Variants in KLHL7 observed in about 807,000 individuals in gnomAD.
KLHL7 encodes kelch-like protein 7.
Under a neutral mutation model 67.4 loss-of-function variants are expected in KLHL7, and 44 were observed. That is an observed-to-expected ratio of 0.65 (90% CI 0.51 to 0.84). The LOEUF (loss-of-function observed/expected upper bound fraction) is 0.84. KLHL7 is among the 40% of genes least tolerant of loss of function. KLHL7 has a pLI of 0.00. For missense variants in KLHL7, 362 were observed against 718.1 expected, an observed-to-expected ratio of 0.50 and a Z score of 5.67; for synonymous variants, 252 against 243.3, an observed-to-expected ratio of 1.04 and a Z score of -0.33.
In KLHL7 at chr7:23,117,755, T is replaced by G. The variant is rs187057692; in HGVS notation, c.121-6022T>G. On this transcript the variant is annotated intron_variant, in intron 1 of 10. Transcript: ENST00000339077. ...AGCCTTTGCATTTATTATTGCTTTA[T>G]TGAAGCTTTTCTAGTAACTAATCCA... 349 of 1,305,552 alleles carry G rather than the reference T, an allele frequency of 2.7e-4. No individual in the cohort carries two copies. The African/African-American group carries it at 4.8e-3, about 18-fold the overall frequency. The allele number at this position is 1,305,552 out of a possible 1,614,324, so 80.9% of individuals were successfully genotyped here. A position where few individuals can be genotyped will look rare whatever the true frequency, so the allele number is the denominator to read the frequency against.
chr7:23,161,393 G>C (rs983963404), intron 7 of KLHL7, among the ~76,000 whole-genome samples: 3 of 152,140 alleles, frequency 2.0e-5, no homozygotes, highest in Non-Finnish European at 4.4e-5. Context: ...TTTAATACCT[G>C]TCTTCATCAA....
intron 6 of KLHL7, among the ~76,000 whole-genome samples, chr7:23,147,123 G>A (rs113002093): frequency 6.0e-5 from 8 of 134,152 alleles, no homozygotes; most frequent in East Asian, 2.1e-4. Context: ...AGACAGTCTC[G>A]CTGGCTTCCA....
intron 4 of KLHL7, chr7:23,125,697 C>G (rs563980153): frequency 3.5e-6 from 5 of 1,420,976 alleles, no homozygotes. Flanking sequence ...AATTAAGATA[C>G]TAACTGAGGG....
chr7:23,126,389 C>T (rs6966776), intron 4 of KLHL7, among the ~76,000 whole-genome samples: 65,816 of 152,012 alleles, frequency 0.43, 15,698 homozygotes, highest in African/African-American at 0.64. Flanking sequence ...CATTTTCCTA[C>T]GCTTGTTGTG....
At chr7:23,107,111 C>A (rs1259775790) in intron 1 of KLHL7, among the ~76,000 whole-genome samples, 5 of 152,138 alleles carry the variant, frequency 3.3e-5, no homozygotes, top group African/African-American at 9.7e-5. Flanking sequence ...AAGATATTAA[C>A]TTCTGGTTTC....
At chr7:23,125,651 G>A in intron 4 of KLHL7, 6 of 1,300,070 alleles carry the variant, frequency 4.6e-6, no homozygotes, top group Non-Finnish European at 5.1e-6. Context: ...TTGTCAAAAT[G>A]CTGTTTTATA....
At chr7:23,155,338 T>C (rs1201761020) in intron 7 of KLHL7, among the ~76,000 whole-genome samples, 21 of 152,184 alleles carry the variant, frequency 1.4e-4, no homozygotes, top group East Asian at 1.4e-3. Context: ...ACTTTTTTTT[T>C]CCCCAAAGAA....
chr7:23,156,121 A>T, intron 7 of KLHL7: 1 of 354,218 alleles, frequency 2.8e-6, no homozygotes, highest in South Asian at 2.2e-5. Context: ...TTATGGGAAA[A>T]TTTAAATAAT....
chr7:23,131,295 C>G (rs1010227840), intron 4 of KLHL7, among the ~76,000 whole-genome samples: 1 of 152,042 alleles, frequency 6.6e-6, no homozygotes, highest in Non-Finnish European at 1.5e-5. Context: ...GAAAATTTGG[C>G]CCTTTTTTCC....
rs1423317475 is a variant in KLHL7, at chr7:23,175,366, A to G, written c.*1068A>G. On this transcript the variant is annotated 3_prime_UTR_variant, in exon 11 of 11. Transcript: ENST00000339077. Reference sequence around the variant, plus strand: ...CACTGTGTATGGAATGAAACATGTAAAGCTGTCACAATCAATGTTTTTATC... The same window carrying G: ...CACTGTGTATGGAATGAAACATGTAGAGCTGTCACAATCAATGTTTTTATC... 1 of 453,064 alleles carries G rather than the reference A, an allele frequency of 2.2e-6. No individual in the cohort carries two copies. The highest frequency in any genetic ancestry group is 2.4e-5 in the Admixed American group (1 of 42,486). 28.1% of individuals were successfully genotyped at this position (453,064 alleles called of 1,614,324 possible). A position where few individuals can be genotyped will look rare whatever the true frequency, so the allele number is the denominator to read the frequency against.
chr7:23,142,649 G>A (rs761009845), intron 5 of KLHL7, among the ~76,000 whole-genome samples: 9 of 152,090 alleles, frequency 5.9e-5, no homozygotes, highest in Non-Finnish European at 1.0e-4. Context: ...TCACCTCTAT[G>A]ATCGTCCTCC....
In KLHL7 at chr7:23,137,522, A is replaced by T. The variant is rs372158882; in HGVS notation, c.443-3247A>T. The stretch of plus-strand genomic sequence containing the variant: ...TTGACAGAGTCTCATTCTGTCGCCC[A>T]GGGTGGAGTGCAGTGGTGTGATCTC... On this transcript the variant is annotated intron_variant, in intron 4 of 10. Transcript: ENST00000339077. Among the ~76,000 whole-genome samples, 25 of 148,558 alleles carry T rather than the reference A, an allele frequency of 1.7e-4. No homozygotes were observed. In the East Asian group the frequency reaches 3.2e-3, roughly 19 times the overall value.
intron 6 of KLHL7, among the ~76,000 whole-genome samples, chr7:23,147,698 G>A (rs1784402287): frequency 6.6e-6 from 1 of 152,276 alleles, no homozygotes; most frequent in South Asian, 2.1e-4. Context: ...ATAGAACGGT[G>A]TTTGCTTTTG....
At chr7:23,168,559 G>A (rs933755908) in intron 9 of KLHL7, among the ~76,000 whole-genome samples, 1 of 152,124 alleles carries the variant, frequency 6.6e-6, no homozygotes, top group Admixed American at 6.5e-5. Flanking sequence ...AAGGTAAAAT[G>A]CTAAAGAAAT....
chr7:23,168,167 G>C (rs1218225268), intron 9 of KLHL7, 130 bp downstream of exon 9: 1 of 814,812 alleles, frequency 1.2e-6, no homozygotes, highest in African/African-American at 1.7e-5. Context: ...AAACTTTTGA[G>C]TGTGCTAGGG....
chr7:23,159,969 C>T (rs980295314), intron 7 of KLHL7, among the ~76,000 whole-genome samples: 2 of 152,164 alleles, frequency 1.3e-5, no homozygotes, highest in Non-Finnish European at 2.9e-5. Flanking sequence ...CCCTGTCACC[C>T]TTGGGTTTTC....
chr7:23,158,742 G>T (rs1220146429), intron 7 of KLHL7, among the ~76,000 whole-genome samples: 1 of 152,202 alleles, frequency 6.6e-6, no homozygotes, highest in Non-Finnish European at 1.5e-5. Flanking sequence ...AGTGCGTGAG[G>T]TGTACACATA....
Position 23,167,819 on chromosome 7 carries a change from GC to G in KLHL7, c.1178-15del. The stretch of plus-strand genomic sequence containing the variant: ...ACACACTAAAGTTAAGCATGATGGG[GC>G]CTTTTTCTTTTACAGGAAACTCAGC... On this transcript the variant is annotated splice_polypyrimidine_tract_variant and intron_variant, in intron 8 of 10. Transcript: ENST00000339077. The G allele has an allele frequency of 6.2e-7, 1 of 1,611,944 alleles. No homozygotes were observed. Among genetic ancestry groups the G allele is most frequent in the Non-Finnish European group, 8.5e-7 (1 of 1,178,094 alleles).
At chr7:23,142,765 C>G (rs1351370173) in intron 5 of KLHL7, among the ~76,000 whole-genome samples, 2 of 151,702 alleles carry the variant, frequency 1.3e-5, no homozygotes, top group African/African-American at 4.9e-5. Flanking sequence ...TCAAGGTTGT[C>G]AAAAACAAGG....
Sources: allele counts gnomAD v4.1 joint callset (sites outside exome capture counted in the v4.1 genomes callset), GRCh38; gene constraint gnomAD v4.1.1; transcripts MANE v1.5; gene names NCBI Gene and HGNC (gene_info 2026-07-23, HGNC 2026-07-21).